PRDM2: variants seen among roughly 807,000 people sequenced by gnomAD.
PRDM2 encodes PR domain zinc finger protein 2.
A neutral mutation model predicts 130.0 loss-of-function variants in PRDM2; 30 were observed. The ratio of observed to expected loss-of-function variants is 0.23; its 90% CI spans 0.17 to 0.31. The LOEUF (loss-of-function observed/expected upper bound fraction) is 0.31. Ranked by LOEUF, PRDM2 falls within the 10% of genes least tolerant of loss-of-function variation. The pLI, the probability that PRDM2 is intolerant of heterozygous loss-of-function variation, is 1.00. For synonymous variants in PRDM2, 871 were observed against 782.4 expected, an observed-to-expected ratio of 1.11 and a Z score of -1.89; for missense variants, 2,011 against 2,108.4, an observed-to-expected ratio of 0.95 and a Z score of 0.90.
At chr1:13,800,174 T>A (rs979457533) in intron 8 of PRDM2, among the ~76,000 whole-genome samples, 1 of 152,252 alleles carries the variant, frequency 6.6e-6, no homozygotes, top group Non-Finnish European at 1.5e-5. Context: ...ACTGTCACAA[T>A]GTCCTACTCC....
At chr1:13,789,489 T>G (rs1570049977) in intron 8 of PRDM2, among the ~76,000 whole-genome samples, 1 of 152,312 alleles carries the variant, frequency 6.6e-6, no homozygotes, top group South Asian at 2.1e-4. Context: ...CACTTTATAC[T>G]TCATATTCCA....
chr1:13,707,145 G>A (rs1348692707), intron 1 of PRDM2, among the ~76,000 whole-genome samples: 1 of 152,140 alleles, frequency 6.6e-6, no homozygotes, highest in Admixed American at 6.5e-5. Context: ...CACCATTTAT[G>A]TGCAGGTTGT....
chr1:13,771,506 C>T lies in PRDM2; in HGVS notation c.512-1572C>T, dbSNP rs1359496798. ...CAGCACTCTGGGAGGCCGAGGCAGG[C>T]GGATCATGAGGTCAGGAGATCGAGA... On this transcript the variant is annotated intron_variant, in intron 6 of 9. Transcript: ENST00000311066. The surrounding 1 kb of genome is among the most constrained non-coding windows in gnomAD (Gnocchi z 4.1). Among the ~76,000 whole-genome samples the T allele has an allele frequency of 6.6e-6, 1 of 152,078 alleles. No homozygotes were observed. Among genetic ancestry groups the T allele is most frequent in the African/African-American group, 2.4e-5 (1 of 41,390 alleles).
Position 13,746,473 on chromosome 1 carries a change from G to A in PRDM2, c.385-2888G>A, listed in dbSNP as rs138907896. On this transcript the variant is annotated intron_variant, in intron 5 of 9. Transcript: ENST00000311066. ...AAAGTTGCGAAGCATATATCGCTCC[G>A]TAATATAACCATTTCAAGTTGCTAA... Among the ~76,000 whole-genome samples the A allele has an allele frequency of 5.6e-3, 844 of 151,702 alleles. 9 individuals are homozygous for A. Among genetic ancestry groups the A allele is most frequent in the Non-Finnish European group, 5.4e-3 (366 of 67,874 alleles).
At chr1:13,808,418 C>T (rs1446790823) in intron 8 of PRDM2, among the ~76,000 whole-genome samples, 3 of 147,724 alleles carry the variant, frequency 2.0e-5, no homozygotes, top group African/African-American at 5.1e-5. Flanking sequence ...GAGTGGAGAT[C>T]GCACCACTGC....
chr1:13,778,145 G>A (rs1478173572), intron 7 of PRDM2, among the ~76,000 whole-genome samples: 1 of 152,184 alleles, frequency 6.6e-6, no homozygotes, highest in African/African-American at 2.4e-5. Context: ...GCTCCACACG[G>A]ACATCCTTGT....
At chr1:13,746,641 C>T (rs1015362459) in intron 5 of PRDM2, among the ~76,000 whole-genome samples, 5 of 152,086 alleles carry the variant, frequency 3.3e-5, no homozygotes, top group South Asian at 4.1e-4. Context: ...ACTGCAGCCT[C>T]CACCTCCCAA....
intron 2 of PRDM2, among the ~76,000 whole-genome samples, chr1:13,717,745 G>A (rs1411649353): frequency 2.0e-5 from 3 of 151,094 alleles, no homozygotes; most frequent in African/African-American, 4.9e-5. Context: ...TATCAGATCT[G>A]CAGAAGACCG....
intron 6 of PRDM2, among the ~76,000 whole-genome samples, chr1:13,762,755 A>G (rs927040689): frequency 2.6e-5 from 4 of 152,360 alleles, no homozygotes; most frequent in Non-Finnish European, 4.4e-5. Context: ...GGCCAGGTCC[A>G]CAGCGCGCGC....
chr1:13,786,816 T>A, intron 8 of PRDM2: 2 of 1,242,110 alleles, frequency 1.6e-6, no homozygotes, highest in Non-Finnish European at 2.0e-6. Flanking sequence ...GACTGGTACC[T>A]CAGATCTGAG....
chr1:13,792,557 A>C (rs941649481), intron 8 of PRDM2, among the ~76,000 whole-genome samples: 3 of 152,176 alleles, frequency 2.0e-5, no homozygotes, highest in Non-Finnish European at 4.4e-5. Flanking sequence ...ACATTTTCAG[A>C]TGGCTTCTAT....
At chr1:13,760,904 T>C (rs889427296) in intron 6 of PRDM2, among the ~76,000 whole-genome samples, 9 of 152,248 alleles carry the variant, frequency 5.9e-5, no homozygotes, top group Non-Finnish European at 1.3e-4. Context: ...ACAAGTTCTC[T>C]TAAAATCCAT....
intron 6 of PRDM2, among the ~76,000 whole-genome samples, chr1:13,755,396 A>C (rs986128775): frequency 2.0e-5 from 3 of 152,134 alleles, no homozygotes; most frequent in Non-Finnish European, 4.4e-5. Flanking sequence ...CCCTATTTTT[A>C]GGTGGTTATT....
rs1266953148 is a variant in PRDM2 at position 13,780,091 on chromosome 1, G to A, written c.2296G>A (p.Ala766Thr). Residue 766 changes from alanine (A) to threonine (T), a missense_variant, in exon 8 of 10, where the codon GCC becomes ACC. Transcript: ENST00000311066. ...TGATGGGAAAGCAGCATGGACCGAT[G>A]CCGGGCTGACTTCCAAAAAATCCAA... is the stretch of plus-strand genomic sequence containing the variant. Reference protein sequence around the residue: ...PSDGKAAWTDAGLTSKKSKLE... With the variant: ...PSDGKAAWTDTGLTSKKSKLE... 3 of 1,613,272 alleles carry A rather than the reference G, an allele frequency of 1.9e-6. No homozygotes were observed. The highest frequency in any genetic ancestry group is 2.5e-6 in the Non-Finnish European group (3 of 1,179,488).
At position 13,779,281 on chromosome 1, in the gene PRDM2, A is replaced by C; in HGVS notation, c.1486A>C (p.Thr496Pro). The change falls in exon 8 of 10, where the codon ACT (threonine) becomes CCT (proline). Residue 496 changes from threonine to proline, a missense_variant. Transcript: ENST00000311066. This position sits in a 1 kb window ranked among gnomAD's most constrained non-coding sequence, Gnocchi z 4.9. Reference protein sequence around the residue: ...KYCKKVFGTHTNMRRHQRRVH... With the variant: ...KYCKKVFGTHPNMRRHQRRVH... Reference sequence around the variant, plus strand: ...TTGTAAAAAGGTTTTTGGAACTCATACTAATATGAGACGGCATCAGCGTAG... The same window carrying C: ...TTGTAAAAAGGTTTTTGGAACTCATCCTAATATGAGACGGCATCAGCGTAG... 2 of 1,614,106 alleles carry C rather than the reference A, an allele frequency of 1.2e-6. No homozygotes were observed. Among genetic ancestry groups the C allele is most frequent in the Non-Finnish European group, 1.7e-6 (2 of 1,179,968 alleles).
rs1452101059 is a variant in PRDM2, at chr1:13,721,714, C to T, written c.9+6100C>T. On this transcript the variant is annotated intron_variant, in intron 2 of 9. Coordinates refer to ENST00000311066, the MANE Select transcript of PRDM2 (RefSeq NM_001393986.1). ...CATTTCCTTAAGTCAGTGGAATGAG[C>T]TTGTGGCAAGAAGCCTTTCCTCTTA... is the stretch of plus-strand genomic sequence containing the variant. 5.9e-5 allele frequency among the ~76,000 whole-genome samples: 9 copies of T among 152,268 alleles called. No homozygotes were observed. In the South Asian group the frequency reaches 1.9e-3, roughly 32 times the overall value.
At position 13,782,691 on chromosome 1, in the gene PRDM2, A is replaced by G; in HGVS notation, c.4896A>G (p.Lys1632=). The change falls in exon 8 of 10, where the codon AAA becomes AAG. Residue 1632 remains lysine, a synonymous_variant. Coordinates refer to ENST00000311066, the MANE Select transcript of PRDM2 (RefSeq NM_001393986.1). ...LQSKSTLASK[K]RTDRFNIKSR... ...GCAAATCCACCTTGGCGAGTAAGAAAAGAACAGACCGGTTCAATATAAAAT... is the reference window on the plus strand; with the variant it reads ...GCAAATCCACCTTGGCGAGTAAGAAGAGAACAGACCGGTTCAATATAAAAT... 6.2e-7 allele frequency: 1 copy of G among 1,614,170 alleles called. No individual in the cohort carries two copies. Among genetic ancestry groups the G allele is most frequent in the Non-Finnish European group, 8.5e-7 (1 of 1,180,038 alleles).
chr1:13,717,335 T>C, intron 2 of PRDM2: 1 of 666,742 alleles, frequency 1.5e-6, no homozygotes, highest in Non-Finnish European at 1.9e-6. Context: ...GATTGATTCT[T>C]ATTACGAACC....
At position 13,762,526 on chromosome 1, in the gene PRDM2, C is replaced by T. The variant is rs1034623177; in HGVS notation, c.512-10552C>T. Among the ~76,000 whole-genome samples the T allele has an allele frequency of 2.6e-5, 4 of 152,280 alleles. No individual in the cohort carries two copies. In the South Asian group the frequency reaches 6.2e-4, roughly 24 times the overall value. On this transcript the variant is annotated intron_variant, in intron 6 of 9. Coordinates refer to ENST00000311066, the MANE Select transcript of PRDM2 (RefSeq NM_001393986.1). Reference sequence around the variant, plus strand: ...GAGACCCTTTCCACCAGCCATTGGACGCTGGCCTAGGAAGGACTCCTGTTT... The same window carrying T: ...GAGACCCTTTCCACCAGCCATTGGATGCTGGCCTAGGAAGGACTCCTGTTT...
Sources: allele counts gnomAD v4.1 joint callset (sites outside exome capture counted in the v4.1 genomes callset), GRCh38; gene constraint gnomAD v4.1.1; non-coding constraint Gnocchi (gnomAD v3.1); transcripts MANE v1.5; gene names NCBI Gene and HGNC (gene_info 2026-07-23, HGNC 2026-07-21).